The following ZNF596 variants were observed in gnomAD, a reference collection of about 807,000 sequenced individuals.
The protein encoded by ZNF596 is zinc finger protein 596.
Under a neutral mutation model 48.3 loss-of-function variants are expected in ZNF596, and 45 were observed. The ratio of observed to expected loss-of-function variants is 0.93; its 90% CI spans 0.73 to 1.19. ZNF596 has a LOEUF of 1.19. Among genes scored for constraint, ZNF596 ranks in the 50% most tolerant of loss-of-function variants. The probability of loss-of-function intolerance (pLI) is 0.00; values close to 1 mark genes in which losing one functional copy is unlikely to be tolerated. For missense variants in ZNF596, 848 were observed against 599.7 expected (o/e 1.41, Z -4.32); for synonymous variants, 270 against 202.0 (o/e 1.34, Z -2.85).
rs544284838 is a variant in ZNF596, at chr8:241,868, G to T, written c.12+961G>T. Among the ~76,000 whole-genome samples the T allele has an allele frequency of 2.0e-5, 3 of 152,282 alleles. No homozygotes were observed. The South Asian group carries it at 6.2e-4, about 32-fold the overall frequency. ...GAGGCCTCCAGAAACTTACAATCAT[G>T]GTGGAAGGGGAAGCAAGCACCTTCT... On this transcript the variant is annotated intron_variant, in intron 2 of 5. Coordinates refer to ENST00000398612, the MANE Select transcript of ZNF596 (RefSeq NM_001042416.3).
At chr8:243,866 G>A (rs1796954676) in intron 4 of ZNF596, 61 bp downstream of exon 4, 4 of 1,382,514 alleles carry the variant, frequency 2.9e-6, no homozygotes, top group East Asian at 2.3e-5. Flanking sequence ...TGAGTGAGTA[G>A]GACCCAACAG....
In ZNF596 at chr8:244,715, A is replaced by G. The variant is rs188368608; in HGVS notation, c.306+14A>G. 6.2e-7 allele frequency: 1 copy of G among 1,601,038 alleles called. No homozygotes were observed. The highest frequency in any genetic ancestry group is 1.1e-5 in the South Asian group (1 of 89,494). On this transcript the variant is annotated intron_variant, in intron 5 of 5. Coordinates refer to ENST00000398612, the MANE Select transcript of ZNF596 (RefSeq NM_001042416.3). The stretch of plus-strand genomic sequence containing the variant: ...ATCAGCACAATGGTAAGCTTTATGG[A>G]TGCAAACCCTGTTCTTACATATAGA...
chr8:245,857 G>A lies in ZNF596; in HGVS notation c.1010G>A (p.Cys337Tyr). The part of the protein sequence containing the change: ...RTHNGEKPYE[C>Y]HLCGKAFSHC... ...CACAATGGAGAGAAACCATATGAAT[G>A]TCATCTATGTGGAAAAGCCTTCTCT... The change falls in exon 6 of 6, where the codon TGT becomes TAT. Residue 337 changes from cysteine (C) to tyrosine (Y), a missense_variant. Coordinates refer to ENST00000398612, the MANE Select transcript of ZNF596 (RefSeq NM_001042416.3). 6.2e-7 allele frequency: 1 copy of A among 1,614,046 alleles called. No individual in the cohort carries two copies. The highest frequency in any genetic ancestry group is 1.1e-5 in the South Asian group (1 of 91,072).
rs1014455615 is a variant in ZNF596, at chr8:245,381, A to G, written c.534A>G (p.Gln178=). The stretch of plus-strand genomic sequence containing the variant: ...ATCTATTTGATTATGCCTTTATCCA[A>G]AACTCTGCCCTTAGACCACACAGTG... ...GSHLFDYAFI[Q]NSALRPHSVT... is the part of the protein sequence containing the mutation. Residue 178 remains glutamine, a synonymous_variant, in exon 6 of 6, where the codon CAA becomes CAG. Transcript: ENST00000398612. 6 of 1,614,066 alleles carry G rather than the reference A, an allele frequency of 3.7e-6. No homozygotes were observed. Among genetic ancestry groups the G allele is most frequent in the East Asian group, 4.5e-5 (2 of 44,892 alleles).
In ZNF596 at chr8:245,930, A is replaced by G. The variant is rs139472874; in HGVS notation, c.1083A>G (p.Lys361=). ...ATGAGCGAAGTCACAATGGAGAGAA[A>G]CCACATGGATGTCATCTATGTGGGA... ...RQHERSHNGE[K]PHGCHLCGKA... The change falls in exon 6 of 6, where the codon AAA becomes AAG. Residue 361 remains lysine, a synonymous_variant. Coordinates refer to ENST00000398612, the MANE Select transcript of ZNF596 (RefSeq NM_001042416.3). 82 of 1,613,750 alleles carry G rather than the reference A, an allele frequency of 5.1e-5. No homozygotes were observed. The African/African-American group carries it at 1.0e-3, about 20-fold the overall frequency.
In ZNF596 at chr8:240,906, C is replaced by A. The variant is rs753943329; in HGVS notation, c.11C>A (p.Pro4Gln). Residue 4 changes from proline (P) to glutamine (Q), a missense_variant and splice_region_variant, in exon 2 of 6, where the codon CCG becomes CAG. By Grantham distance (76) the Pro-to-Gln change is moderately conservative (BLOSUM62 -1). Transcript: ENST00000398612. MPSPDSMTFEDIIV... is the reference protein window; with the variant it reads MPSQDSMTFEDIIV... ...GGCTGAGCTAGTACAATGCCATCAC[C>A]GGTGAGTGGGAAATTCTTCTTTCTA... The A allele has an allele frequency of 6.2e-7, 1 of 1,614,064 alleles. No homozygotes were observed. The highest frequency in any genetic ancestry group is 1.3e-5 in the African/African-American group (1 of 75,036).
At position 245,396 on chromosome 8, in the gene ZNF596, A is replaced by T; in HGVS notation, c.549A>T (p.Arg183Ser). 6.2e-7 allele frequency: 1 copy of T among 1,614,168 alleles called. No individual in the cohort carries two copies. Among genetic ancestry groups the T allele is most frequent in the Non-Finnish European group, 8.5e-7 (1 of 1,180,014 alleles). Residue 183 changes from arginine (R) to serine (S), a missense_variant, in exon 6 of 6, where the codon AGA becomes AGT. Coordinates refer to ENST00000398612, the MANE Select transcript of ZNF596 (RefSeq NM_001042416.3). ...DYAFIQNSALRPHSVTHTREI... is the reference protein window; with the variant it reads ...DYAFIQNSALSPHSVTHTREI... ...CCTTTATCCAAAACTCTGCCCTTAG[A>T]CCACACAGTGTGACTCACACTAGAG...
chr8:233,394 T>C (rs1796498257), intron 1 of ZNF596: 1 of 309,544 alleles, frequency 3.2e-6, no homozygotes, highest in Non-Finnish European at 6.6e-6. Context: ...GCCTCAATAC[T>C]TTTCAGTCTT....
At chr8:235,136 G>A (rs1044450162) in intron 1 of ZNF596, among the ~76,000 whole-genome samples, 15 of 152,152 alleles carry the variant, frequency 9.9e-5, no homozygotes, top group African/African-American at 3.1e-4. Flanking sequence ...TCATCCACAC[G>A]ATGGAGTGTG....
intron 1 of ZNF596, among the ~76,000 whole-genome samples, chr8:236,351 G>T (rs925651016): frequency 6.6e-6 from 1 of 151,966 alleles, no homozygotes; most frequent in Non-Finnish European, 1.5e-5. Flanking sequence ...TTACAGTCAC[G>T]TCATCTGAGA....
intron 1 of ZNF596, among the ~76,000 whole-genome samples, chr8:235,381 T>C (rs948977070): frequency 2.0e-5 from 3 of 152,156 alleles, no homozygotes; most frequent in Non-Finnish European, 2.9e-5. Flanking sequence ...TAATGTAATA[T>C]ATTCTAGCAA....
rs116019502 is a variant in ZNF596 at position 242,991 on chromosome 8, C to T, written c.117C>T (p.Asn39=). ...TGTTTCAAGATGTGATGTTGGAGAA[C>T]ATCAGTCATCTGGTCTCTATTGGTG... ...RKLFQDVMLE[N]ISHLVSIGKQ... is the part of the protein sequence containing the mutation. Residue 39 remains asparagine (N), a synonymous_variant, in exon 3 of 6, where the codon AAC becomes AAT. Transcript: ENST00000398612. 2,236 of 1,611,978 alleles carry T rather than the reference C, an allele frequency of 1.4e-3. 14 individuals carry two copies. The African/African-American group carries it at 0.024, about 18-fold the overall frequency.
At chr8:244,441 A>G in intron 4 of ZNF596, 178 bp from the exon 5 acceptor site, 1 of 578,898 alleles carries the variant, frequency 1.7e-6, no homozygotes, top group Admixed American at 3.5e-5. Context: ...ATTTTTTTAT[A>G]TGCTGAAAAT....
chr8:241,129 T>C (rs1403414256), intron 2 of ZNF596, among the ~76,000 whole-genome samples: 1 of 152,102 alleles, frequency 6.6e-6, no homozygotes, highest in Non-Finnish European at 1.5e-5. Context: ...TAAGGCTGTG[T>C]ATTAAGATGT....
Position 246,266 on chromosome 8 carries a change from A to G in ZNF596, c.1419A>G (p.Lys473=), listed in dbSNP as rs750316008. The G allele has an allele frequency of 1.2e-6, 2 of 1,613,198 alleles. No homozygotes were observed. Among genetic ancestry groups the G allele is most frequent in the Non-Finnish European group, 1.7e-6 (2 of 1,179,560 alleles). ...RLHRRVHTGE[K]PYVCPLCGKA... ...ATAGAAGAGTTCACACTGGAGAGAAACCATATGTATGTCCTCTATGTGGGA... is the reference window on the plus strand; with the variant it reads ...ATAGAAGAGTTCACACTGGAGAGAAGCCATATGTATGTCCTCTATGTGGGA... Residue 473 remains lysine (K), a synonymous_variant, in exon 6 of 6, where the codon AAA becomes AAG. Transcript: ENST00000398612.
At position 240,873 on chromosome 8, in the gene ZNF596, C is replaced by T; in HGVS notation, c.-23C>T. On this transcript the variant is annotated 5_prime_UTR_variant, in exon 2 of 6. Transcript: ENST00000398612. Reference sequence around the variant, plus strand: ...GTGTGAGTGAAAACCCAGAGGAATACATTTGGTGGCTGAGCTAGTACAATG... The same window carrying T: ...GTGTGAGTGAAAACCCAGAGGAATATATTTGGTGGCTGAGCTAGTACAATG... 1.2e-6 allele frequency: 2 copies of T among 1,613,988 alleles called. No individual in the cohort carries two copies. The highest frequency in any genetic ancestry group is 1.7e-6 in the Non-Finnish European group (2 of 1,179,922).
chr8:234,809 C>T (rs2117061928), intron 1 of ZNF596: 2 of 152,284 alleles, frequency 1.3e-5, no homozygotes, highest in South Asian at 4.1e-4. Context: ...GCTTCACACC[C>T]AGACATAGAT....
chr8:240,557 T>G (rs563542361), intron 1 of ZNF596: 2 of 274,078 alleles, frequency 7.3e-6, no homozygotes, highest in African/African-American at 4.4e-5. Context: ...ATAGAAGGAA[T>G]TAAACATTTC....
At position 232,466 on chromosome 8, in the gene ZNF596, C is replaced by A. The variant is rs1288774469; in HGVS notation, c.-301C>A. On this transcript the variant is annotated 5_prime_UTR_variant, in exon 1 of 6. It adds an upstream start codon to the 5' untranslated region. Coordinates refer to ENST00000398612, the MANE Select transcript of ZNF596 (RefSeq NM_001042416.3). The stretch of plus-strand genomic sequence containing the variant: ...CAAACCCAGCCACGCAGTTCCCTTC[C>A]TGCGGCGTCCTCCACACCCGGGGTC... The A allele has an allele frequency of 1.1e-5, 3 of 283,878 alleles. No individual in the cohort carries two copies. The highest frequency in any genetic ancestry group is 2.2e-5 in the Non-Finnish European group (3 of 136,852). The allele number at this position is 283,878 out of a possible 1,614,324, so 17.6% of individuals were successfully genotyped here.
Sources: gnomAD v4.1 joint callset for allele counts (sites outside exome capture counted in the v4.1 genomes callset) on GRCh38, gnomAD v4.1.1 for gene constraint, MANE v1.5 for transcripts, NCBI Gene and HGNC (gene_info 2026-07-23, HGNC 2026-07-21) for gene names.